TBX1: variants seen among roughly 807,000 people sequenced by gnomAD.
The protein encoded by TBX1 is T-box transcription factor TBX1.
In TBX1, 16 loss-of-function variants were observed where a neutral mutation model predicts 40.8. The ratio of observed to expected loss-of-function variants is 0.39; its 90% CI spans 0.27 to 0.60. TBX1 has a LOEUF of 0.60. TBX1 is among the 20% of genes least tolerant of loss of function. The pLI is 0.51. For synonymous variants in TBX1, 403 were observed against 336.8 expected (o/e 1.20, Z -2.15); for missense variants, 755 against 728.5 (o/e 1.04, Z -0.42).
At chr22:19,783,042 C>T (rs889237337), downstream of TBX1, 1 of 846,814 alleles carries the variant, frequency 1.2e-6, no homozygotes, top group Non-Finnish European at 2.1e-6. Flanking sequence ...GGTTGGTGGT[C>T]CCCGCTGTGC....
rs1454818550 is a variant in TBX1 at position 19,765,835 on chromosome 22, C to T, written c.935+10C>T. 6 of 1,599,078 alleles carry T rather than the reference C, an allele frequency of 3.8e-6. No individual in the cohort carries two copies. The highest frequency in any genetic ancestry group is 1.3e-5 in the African/African-American group (1 of 74,630). On this transcript the variant is annotated intron_variant, in intron 5 of 6. Transcript: ENST00000649276. ...GTGACCCTGAGGACTGGTGAGTGTC[C>T]TCCCCCGAGAGAGTGAGCGCCGGGC...
rs182031264 is a variant in TBX1 at position 19,762,794 on chromosome 22, G to A, written c.438-447G>A. On this transcript the variant is annotated intron_variant, in intron 1 of 6. Transcript: ENST00000649276. ...ACCCAGCTAAAAGGGCAGCGGGGACGCCTTGAACTCACACAGGACTACCCG... is the reference window on the plus strand; with the variant it reads ...ACCCAGCTAAAAGGGCAGCGGGGACACCTTGAACTCACACAGGACTACCCG... Among the ~76,000 whole-genome samples, 378 of 152,226 alleles carry A rather than the reference G, an allele frequency of 2.5e-3. 1 individual carries two copies. The highest frequency in any genetic ancestry group is 2.4e-3 in the Non-Finnish European group (166 of 68,004).
chr22:19,774,570 C>T (rs1053981961), intron 8 of TBX1, among the ~76,000 whole-genome samples: 2 of 152,124 alleles, frequency 1.3e-5, no homozygotes, highest in Non-Finnish European at 2.9e-5. Context: ...GCGAGCCGAG[C>T]GTCCACCGAT....
intron 1 of TBX1, among the ~76,000 whole-genome samples, 173 bp downstream of exon 1, chr22:19,761,453 G>A (rs1936659411): frequency 6.6e-6 from 1 of 151,726 alleles, no homozygotes; most frequent in Non-Finnish European, 1.5e-5. Flanking sequence ...TCCCGGCTCC[G>A]GCGACAGCCG....
chr22:19,779,419 G>T, exon 9 of TBX1: 2 of 1,614,102 alleles, frequency 1.2e-6, no homozygotes, highest in African/African-American at 2.7e-5. Flanking sequence ...TGCTGAGGCC[G>T]GGCCATGGGC....
intron 8 of TBX1, among the ~76,000 whole-genome samples, chr22:19,776,471 C>A (rs958821135): frequency 6.6e-6 from 1 of 152,194 alleles, no homozygotes; most frequent in Non-Finnish European, 1.5e-5. Flanking sequence ...CAGGGGCCTG[C>A]ACGGGGTGGA....
At chr22:19,758,715 C>T (rs539808139), upstream of TBX1, among the ~76,000 whole-genome samples, 3 of 152,210 alleles carry the variant, frequency 2.0e-5, no homozygotes, top group African/African-American at 4.8e-5. Flanking sequence ...GTCGGAGGAG[C>T]GGGCACTGCC....
chr22:19,763,185 G>A (rs547222196), intron 1 of TBX1, 56 bp from the exon 2 acceptor site: 2 of 1,489,188 alleles, frequency 1.3e-6, no homozygotes, highest in East Asian at 4.5e-5. Context: ...CCCCAGGCAG[G>A]TCAAGGGGGG....
chr22:19,774,888 A>G (rs2145848045), intron 8 of TBX1, among the ~76,000 whole-genome samples: 1 of 117,626 alleles, frequency 8.5e-6, no homozygotes, highest in East Asian at 2.6e-4. Flanking sequence ...AGGTGGACGC[A>G]CAGCATCGGG....
At chr22:19,775,866 A>T (rs998340712) in intron 8 of TBX1, among the ~76,000 whole-genome samples, 3 of 152,050 alleles carry the variant, frequency 2.0e-5, no homozygotes, top group African/African-American at 7.2e-5. Context: ...GCTCGCCTGG[A>T]GCCTGAGGGG....
upstream of TBX1, among the ~76,000 whole-genome samples, chr22:19,756,950 C>T (rs1281253661): frequency 6.6e-6 from 1 of 151,806 alleles, no homozygotes; most frequent in Non-Finnish European, 1.5e-5. Flanking sequence ...GGGCGGTGCC[C>T]TAGGCGGGAG....
downstream of TBX1, chr22:19,783,106 G>A (rs1429086879): frequency 9.1e-6 from 7 of 770,218 alleles, no homozygotes; most frequent in Non-Finnish European, 1.7e-5. Flanking sequence ...AGGCTGTGAT[G>A]GAAGCGAATC....
In TBX1 at chr22:19,760,924, G is replaced by A. The variant is rs1239818397; in HGVS notation, c.81G>A (p.Leu27=). 1 of 1,045,812 alleles carries A rather than the reference G, an allele frequency of 9.6e-7. No individual in the cohort carries two copies. The highest frequency in any genetic ancestry group is 2.7e-5 in the South Asian group (1 of 36,946). The allele number at this position is 1,045,812 out of a possible 1,614,324, so 64.8% of individuals were successfully genotyped here. A position where few individuals can be genotyped will look rare whatever the true frequency, so the allele number is the denominator to read the frequency against. ...TTGCAGCCTTCACGGCCAGCAGCCT[G>A]AGCAGCCTGGGGGCCGCGGGGGGCT... ...CDVAAFTASS[L]SSLGAAGGFP... Residue 27 remains leucine (L), a synonymous_variant, in exon 1 of 7, where the codon CTG becomes CTA. Coordinates refer to ENST00000649276, the MANE Select transcript of TBX1 (RefSeq NM_001379200.1).
At chr22:19,775,412 A>G (rs897213346) in intron 8 of TBX1, among the ~76,000 whole-genome samples, 3 of 152,192 alleles carry the variant, frequency 2.0e-5, no homozygotes, top group African/African-American at 7.2e-5. Context: ...GTGTTTTTAA[A>G]TGTATGTTTA....
downstream of TBX1, among the ~76,000 whole-genome samples, chr22:19,769,781 G>A (rs949015636): frequency 2.6e-5 from 4 of 152,222 alleles, no homozygotes; most frequent in East Asian, 1.9e-4. Flanking sequence ...GGTCACGAGC[G>A]TGGAGTCCTC....
In TBX1 at chr22:19,763,236, C is replaced by G. The variant is rs972035685; in HGVS notation, c.438-5C>G. The G allele has an allele frequency of 4.5e-5, 72 of 1,613,688 alleles. No individual in the cohort carries two copies. Among genetic ancestry groups the G allele is most frequent in the Non-Finnish European group, 5.7e-5 (67 of 1,179,704 alleles). ...TAGGGTGACCCAAGGCCTCATCACC[C>G]CCAGGCGGATGTTTCCCACCTTCCA... On this transcript the variant is annotated splice_region_variant and splice_polypyrimidine_tract_variant and intron_variant, in intron 1 of 6. Coordinates refer to ENST00000649276, the MANE Select transcript of TBX1 (RefSeq NM_001379200.1).
upstream of TBX1, among the ~76,000 whole-genome samples, chr22:19,756,914 G>A (rs1040847195): frequency 6.6e-6 from 1 of 151,814 alleles, no homozygotes; most frequent in Non-Finnish European, 1.5e-5. Context: ...GCGGGTGGCG[G>A]GGTGGCGGGG....
At position 19,765,131 on chromosome 22, in the gene TBX1, G is replaced by A. The variant is rs1383021380; in HGVS notation, c.867+18G>A. 1 of 1,614,094 alleles carries A rather than the reference G, an allele frequency of 6.2e-7. No individual in the cohort carries two copies. The highest frequency in any genetic ancestry group is 8.5e-7 in the Non-Finnish European group (1 of 1,180,004). ...ACCATCGGGTGAGGGCCTGTGGGGA[G>A]GACCTGAGCGGATTCAACGCCTCTG... On this transcript the variant is annotated intron_variant, in intron 4 of 6. Coordinates refer to ENST00000649276, the MANE Select transcript of TBX1 (RefSeq NM_001379200.1).
downstream of TBX1, among the ~76,000 whole-genome samples, chr22:19,782,448 A>G (rs745444034): frequency 1.3e-5 from 2 of 152,164 alleles, no homozygotes; most frequent in Non-Finnish European, 2.9e-5. Context: ...TGTTATGTTG[A>G]GGAACTCTTT....
Sources: allele counts gnomAD v4.1 joint callset (sites outside exome capture counted in the v4.1 genomes callset), GRCh38; gene constraint gnomAD v4.1.1; transcripts MANE v1.5; gene names NCBI Gene and HGNC (gene_info 2026-07-23, HGNC 2026-07-21).